Variants in IPO9 observed in about 807,000 individuals in gnomAD.
The protein encoded by IPO9 is importin 9.
Under a neutral mutation model 128.6 loss-of-function variants are expected in IPO9, and 28 were observed. The observed-to-expected ratio is 0.22, with a 90% confidence interval of 0.16 to 0.30. IPO9 has a LOEUF of 0.30. IPO9 is among the 10% of genes least tolerant of loss of function. IPO9 has a pLI of 1.00. For synonymous variants in IPO9, 455 were observed against 475.8 expected (o/e 0.96, Z 0.57); for missense variants, 935 against 1,293.9 (o/e 0.72, Z 4.26).
chr1:201,851,999 T>G, intron 4 of IPO9, 105 bp from the exon 5 acceptor site: 1 of 646,892 alleles, frequency 1.5e-6, no homozygotes, highest in African/African-American at 1.8e-5. Flanking sequence ...ACCTGTGTGC[T>G]GTCTGTTTGG....
chr1:201,839,562 A>G (rs2102870036), intron 1 of IPO9, among the ~76,000 whole-genome samples: 1 of 132,820 alleles, frequency 7.5e-6, no homozygotes, highest in Non-Finnish European at 1.6e-5. Flanking sequence ...CTCCATCTCA[A>G]AAAAAAAAAA....
intron 1 of IPO9, 72 bp from the exon 2 acceptor site, chr1:201,847,207 C>G: frequency 9.5e-7 from 1 of 1,051,350 alleles, no homozygotes; most frequent in Non-Finnish European, 1.5e-6. Context: ...TTGTTGGCAT[C>G]AGGGTTAGAG....
Position 201,870,493 on chromosome 1 carries a change from G to C in IPO9, c.2134-90G>C. The C allele has an allele frequency of 2.8e-6, 4 of 1,421,832 alleles. No homozygotes were observed. In the South Asian group the frequency reaches 5.5e-5, roughly 20 times the overall value. The allele number at this position is 1,421,832 out of a possible 1,614,324, so 88.1% of individuals were successfully genotyped here. A position where few individuals can be genotyped will look rare whatever the true frequency, so the allele number is the denominator to read the frequency against. On this transcript the variant is annotated intron_variant, in intron 17 of 23. Transcript: ENST00000361565. The surrounding 1 kb of genome is among the most constrained non-coding windows in gnomAD (Gnocchi z 4.9). The stretch of plus-strand genomic sequence containing the variant: ...GACTCACCGCTTTTATGAGGCATAG[G>C]CCTCTGGGAACATTTGTTTATACAG...
rs1195771634 is a variant in IPO9, at chr1:201,870,413, T to A, written c.2134-170T>A. Among the ~76,000 whole-genome samples the A allele has an allele frequency of 6.6e-6, 1 of 152,210 alleles. No homozygotes were observed. The highest frequency in any genetic ancestry group is 1.5e-5 in the Non-Finnish European group (1 of 68,048). ...GGGAATTATGTAATGCACGTCTATG[T>A]CTGTAACAGTAAATGTCTTAACTCC... On this transcript the variant is annotated intron_variant, in intron 17 of 23. Coordinates refer to ENST00000361565, the MANE Select transcript of IPO9 (RefSeq NM_018085.5). This position sits in a 1 kb window ranked among gnomAD's most constrained non-coding sequence, Gnocchi z 4.9.
chr1:201,862,681 C>T (rs1680471424), intron 13 of IPO9, among the ~76,000 whole-genome samples: 1 of 151,796 alleles, frequency 6.6e-6, no homozygotes. Context: ...TGGTGCATGC[C>T]TGTAATCCCA....
At chr1:201,833,375 A>G (rs1315033382) in intron 1 of IPO9, among the ~76,000 whole-genome samples, 1 of 151,832 alleles carries the variant, frequency 6.6e-6, no homozygotes, top group East Asian at 1.9e-4. Context: ...AGTAGCTGGG[A>G]TTACAGGCGC....
Position 201,870,541 on chromosome 1 carries a change from T to C in IPO9, c.2134-42T>C. On this transcript the variant is annotated intron_variant, in intron 17 of 23. Coordinates refer to ENST00000361565, the MANE Select transcript of IPO9 (RefSeq NM_018085.5). This position sits in a 1 kb window ranked among gnomAD's most constrained non-coding sequence, Gnocchi z 4.9. ...CAGACTGAGGGCCTTCTGGCATCTG[T>C]CCCTCGATTACTAATCTTGCTTGCC... 1 of 1,590,600 alleles carries C rather than the reference T, an allele frequency of 6.3e-7. No individual in the cohort carries two copies. The highest frequency in any genetic ancestry group is 8.6e-7 in the Non-Finnish European group (1 of 1,166,312).
rs752924217 is a variant in IPO9, at chr1:201,876,211, G to C, written c.*157G>C. Reference sequence around the variant, plus strand: ...TGACACTGATGACAATTCAGACCAGGCTCACCGGTGCCGTCACTTAGGAAT... The same window carrying C: ...TGACACTGATGACAATTCAGACCAGCCTCACCGGTGCCGTCACTTAGGAAT... On this transcript the variant is annotated 3_prime_UTR_variant, in exon 24 of 24. Coordinates refer to ENST00000361565, the MANE Select transcript of IPO9 (RefSeq NM_018085.5). 4.1e-6 allele frequency: 3 copies of C among 734,474 alleles called. No homozygotes were observed. Among genetic ancestry groups the C allele is most frequent in the South Asian group, 2.9e-5 (2 of 70,148 alleles). The allele number at this position is 734,474 out of a possible 1,614,324, so 45.5% of individuals were successfully genotyped here.
Position 201,852,126 on chromosome 1 carries a change from C to G in IPO9, c.537C>G (p.Asp179Glu), listed in dbSNP as rs375791538. ...VLTEFTREVT[D>E]TQMPLVAPVI... ...TAGAATTCACTCGTGAAGTAACAGACACACAGATGCCACTTGTTGCTCCTG... is the reference window on the plus strand; with the variant it reads ...TAGAATTCACTCGTGAAGTAACAGAGACACAGATGCCACTTGTTGCTCCTG... Residue 179 changes from aspartate to glutamate, a missense_variant, in exon 5 of 24, where the codon GAC (aspartate) becomes GAG (glutamate). By Grantham distance (45) the Asp-to-Glu change is conservative. Transcript: ENST00000361565. The G allele has an allele frequency of 4.5e-5, 72 of 1,611,578 alleles. No individual in the cohort carries two copies. The highest frequency in any genetic ancestry group is 5.9e-5 in the Non-Finnish European group (69 of 1,177,972).
chr1:201,874,838 C>T lies in IPO9; in HGVS notation c.2840C>T (p.Ser947Phe). 6.2e-7 allele frequency: 1 copy of T among 1,610,498 alleles called. No individual in the cohort carries two copies. Among genetic ancestry groups the T allele is most frequent in the Non-Finnish European group, 8.5e-7 (1 of 1,176,840 alleles). Residue 947 changes from serine to phenylalanine, a missense_variant, in exon 22 of 24, where the codon TCC becomes TTC. Physicochemically the swap from Ser to Phe is radical, Grantham distance 155. This residue lies in a region of IPO9 where 188 missense variants were observed against 246.7 expected (regional missense o/e 0.76). Transcript: ENST00000361565. Reference protein sequence around the residue: ...ATPAEWSQDDSNDMWEDQEEE... With the variant: ...ATPAEWSQDDFNDMWEDQEEE... ...GCTTTTCATCTCCAAGTAGATGACT[C>T]CAATGATATGTGGGAGGACCAGGAG...
rs1680858964 is a variant in IPO9, at chr1:201,880,149, A to G, written c.*4095A>G. 6.6e-6 allele frequency: 1 copy of G among 152,194 alleles called. No homozygotes were observed. Among genetic ancestry groups the G allele is most frequent in the South Asian group, 2.1e-4 (1 of 4,824 alleles). 9.4% of individuals were successfully genotyped at this position (152,194 alleles called of 1,614,324 possible). A position where few individuals can be genotyped will look rare whatever the true frequency, so the allele number is the denominator to read the frequency against. On this transcript the variant is annotated 3_prime_UTR_variant, in exon 24 of 24. Transcript: ENST00000361565. Reference sequence around the variant, plus strand: ...GATCACTTAAGCCCAAGAGTTTGAGACCAGTCTGGGCAATGTGGCAATACC... The same window carrying G: ...GATCACTTAAGCCCAAGAGTTTGAGGCCAGTCTGGGCAATGTGGCAATACC...
intron 11 of IPO9, 88 bp downstream of exon 11, chr1:201,857,282 G>A: frequency 2.3e-6 from 2 of 888,882 alleles, no homozygotes; most frequent in Non-Finnish European, 3.7e-6. Flanking sequence ...TCCAAGGTGA[G>A]CAGTGTTGTT....
intron 2 of IPO9, 53 bp downstream of exon 2, chr1:201,847,393 A>G: frequency 6.5e-7 from 1 of 1,545,736 alleles, no homozygotes; most frequent in Non-Finnish European, 8.9e-7. Flanking sequence ...TTGGTAATGA[A>G]ACTTTCTTAT....
chr1:201,875,051 C>T (rs1255665465), intron 22 of IPO9, 101 bp from the exon 23 acceptor site: 2 of 1,365,008 alleles, frequency 1.5e-6, no homozygotes, highest in Non-Finnish European at 2.1e-6. Flanking sequence ...ATTTCTTGGG[C>T]TTTTGCACCT....
At chr1:201,852,230 G>A (rs375614513) in intron 5 of IPO9, 38 bp downstream of exon 5, 4 of 1,316,002 alleles carry the variant, frequency 3.0e-6, no homozygotes, top group Non-Finnish European at 4.4e-6. Flanking sequence ...GTGAGTTCAG[G>A]CTCTCTTCAG....
intron 17 of IPO9, 46 bp downstream of exon 17, chr1:201,869,764 C>A (rs758149208): frequency 4.4e-6 from 7 of 1,606,608 alleles, no homozygotes; most frequent in Non-Finnish European, 6.0e-6. Context: ...GCTCCCCAGC[C>A]ATGGGCTTAT....
chr1:201,862,195 T>C (rs1338081375), intron 13 of IPO9, among the ~76,000 whole-genome samples: 1 of 152,152 alleles, frequency 6.6e-6, no homozygotes, highest in Non-Finnish European at 1.5e-5. Context: ...CGGTGGCTCA[T>C]GCCTGTAATC....
At position 201,836,456 on chromosome 1, in the gene IPO9, G is replaced by A. The variant is rs547535675; in HGVS notation, c.163+7084G>A. 6.0e-4 allele frequency among the ~76,000 whole-genome samples: 91 copies of A among 152,238 alleles called. 1 individual carries two copies. Among genetic ancestry groups the A allele is most frequent in the African/African-American group, 2.1e-3 (89 of 41,542 alleles). On this transcript the variant is annotated intron_variant, in intron 1 of 23. Transcript: ENST00000361565. The stretch of plus-strand genomic sequence containing the variant: ...GCTGGAGTGCAGTGGTGTGATCATA[G>A]CTCACTGCAGCCTCAAACTCCTGGG...
At chr1:201,867,075 TC>T in intron 15 of IPO9, 116 bp downstream of exon 15, 2 of 829,290 alleles carry the variant, frequency 2.4e-6, no homozygotes, top group Non-Finnish European at 3.9e-6. Context: ...GGTTTTAACA[TC>T]GTAAGCAAAG....
Sources: allele counts gnomAD v4.1 joint callset (sites outside exome capture counted in the v4.1 genomes callset), GRCh38; gene constraint gnomAD v4.1.1; regional missense constraint gnomAD v4.1.1; non-coding constraint Gnocchi (gnomAD v3.1); transcripts MANE v1.5; gene names NCBI Gene and HGNC (gene_info 2026-07-23, HGNC 2026-07-21).